GNAQ: variants seen among roughly 807,000 people sequenced by gnomAD.
GNAQ encodes G protein subunit alpha q.
A neutral mutation model predicts 43.9 loss-of-function variants in GNAQ; 8 were observed. That is an observed-to-expected ratio of 0.18 (90% CI 0.11 to 0.33). The LOEUF (loss-of-function observed/expected upper bound fraction) is 0.33, where lower values mean the gene tolerates loss of function less well. Among genes scored for constraint, GNAQ ranks in the 10% least tolerant of loss-of-function variants. The pLI, the probability that GNAQ is intolerant of heterozygous loss-of-function variation, is 1.00. For missense variants in GNAQ, 158 were observed against 450.8 expected, an observed-to-expected ratio of 0.35 and a Z score of 5.88; for synonymous variants, 155 against 170.7, an observed-to-expected ratio of 0.91 and a Z score of 0.71.
chr9:78,030,663 G>C (rs1824040782), intron 1 of GNAQ: 1 of 422,316 alleles, frequency 2.4e-6, no homozygotes, highest in African/African-American at 2.0e-5. Context: ...CACCCGCTGG[G>C]CCACACACAC....
At chr9:77,807,306 T>C (rs1826844512) in intron 3 of GNAQ, among the ~76,000 whole-genome samples, 1 of 152,192 alleles carries the variant, frequency 6.6e-6, no homozygotes, top group Non-Finnish European at 1.5e-5. Context: ...CTTATAATCA[T>C]GTGCATGTTC....
chr9:77,871,828 C>T (rs888709138), intron 2 of GNAQ, among the ~76,000 whole-genome samples: 30 of 152,098 alleles, frequency 2.0e-4, no homozygotes, highest in Non-Finnish European at 3.8e-4. Context: ...TATATGACAA[C>T]TTAATATTCT....
chr9:77,957,255 C>G (rs1414270733), intron 1 of GNAQ, among the ~76,000 whole-genome samples: 3 of 151,948 alleles, frequency 2.0e-5, no homozygotes, highest in African/African-American at 7.3e-5. Flanking sequence ...ACTCAGGAGG[C>G]TGAGACAGGA....
chr9:77,717,757 G>A lies in GNAQ; in HGVS notation c.*3566C>T, dbSNP rs193157362. The A allele has an allele frequency of 1.7e-3, 389 of 231,060 alleles. No individual in the cohort carries two copies. The highest frequency in any genetic ancestry group is 2.3e-3 in the African/African-American group (103 of 45,086). 14.3% of individuals were successfully genotyped at this position (231,060 alleles called of 1,614,324 possible). ...AAAAAAAAAAAAATACAAGTTTTAC[G>A]TGTTCTTCAGATTCCTTTTGTAGTT... On this transcript the variant is annotated 3_prime_UTR_variant, in exon 7 of 7. Transcript: ENST00000286548.
chr9:78,029,294 A>T (rs953691406), intron 1 of GNAQ, among the ~76,000 whole-genome samples: 3 of 148,206 alleles, frequency 2.0e-5, no homozygotes, highest in Non-Finnish European at 3.0e-5. Context: ...GCAATAAAAT[A>T]AAAAAAAAAC....
intron 5 of GNAQ, among the ~76,000 whole-genome samples, chr9:77,743,522 T>A (rs2118267293): frequency 6.6e-6 from 1 of 152,234 alleles, no homozygotes; most frequent in East Asian, 1.9e-4. Context: ...ATGAGGGAAA[T>A]GAGCACTGAA....
chr9:77,799,551 C>T (rs1587921679), intron 3 of GNAQ, among the ~76,000 whole-genome samples: 1 of 152,088 alleles, frequency 6.6e-6, no homozygotes, highest in Non-Finnish European at 1.5e-5. Flanking sequence ...AGCATTCTTA[C>T]CAGTGGTATT....
At chr9:77,885,115 T>G (rs953457189) in intron 2 of GNAQ, among the ~76,000 whole-genome samples, 1 of 152,186 alleles carries the variant, frequency 6.6e-6, no homozygotes, top group Non-Finnish European at 1.5e-5. Context: ...TTTAGAGATA[T>G]TTGTCCCATA....
intron 5 of GNAQ, among the ~76,000 whole-genome samples, chr9:77,733,864 T>C (rs1825533459): frequency 6.6e-6 from 1 of 152,182 alleles, no homozygotes. Flanking sequence ...AAAGGAAAGG[T>C]AGTTTCAAAC....
At chr9:77,779,680 C>CAAAAA (rs58014303) in intron 5 of GNAQ, among the ~76,000 whole-genome samples, 479 of 95,736 alleles carry the variant, frequency 5.0e-3, no homozygotes, top group Non-Finnish European at 5.9e-3. Context: ...AAAAACAAAA[C>CAAAAA]AAAAAAAAAA....
chr9:77,989,528 T>C (rs1823482954), intron 1 of GNAQ, among the ~76,000 whole-genome samples: 1 of 152,224 alleles, frequency 6.6e-6, no homozygotes, highest in South Asian at 2.1e-4. Flanking sequence ...GAAGTTTTCC[T>C]TGCTCCCAAG....
At chr9:78,000,798 T>C (rs773917447) in intron 1 of GNAQ, among the ~76,000 whole-genome samples, 2 of 152,208 alleles carry the variant, frequency 1.3e-5, no homozygotes, top group Non-Finnish European at 2.9e-5. Flanking sequence ...TAGAACTTAC[T>C]AAAATAACCT....
chr9:77,728,057 C>G (rs1017558592), intron 6 of GNAQ, among the ~76,000 whole-genome samples: 1 of 151,778 alleles, frequency 6.6e-6, no homozygotes, highest in African/African-American at 2.4e-5. Context: ...TGCAGTGGCG[C>G]GATCTTGGCT....
rs115455900 is a variant in GNAQ, at chr9:77,859,068, C to T, written c.322-43298G>A. Among the ~76,000 whole-genome samples, 804 of 152,274 alleles carry T rather than the reference C, an allele frequency of 5.3e-3. 9 individuals carry two copies. Among genetic ancestry groups the T allele is most frequent in the African/African-American group, 0.018 (767 of 41,566 alleles). ...ACACAGGAGCAGAGTCCTGCCTGTT[C>T]CTACCTAAAATGATCTTCCCATGTT... On this transcript the variant is annotated intron_variant, in intron 2 of 6. Transcript: ENST00000286548.
chr9:77,748,246 T>C (rs1249683593), intron 5 of GNAQ, among the ~76,000 whole-genome samples: 1 of 152,236 alleles, frequency 6.6e-6, no homozygotes, highest in Non-Finnish European at 1.5e-5. Flanking sequence ...CTACATCTCA[T>C]TTCTCTTTAG....
intron 5 of GNAQ, among the ~76,000 whole-genome samples, chr9:77,758,928 C>G (rs1305996421): frequency 6.6e-6 from 1 of 152,028 alleles, no homozygotes; most frequent in Non-Finnish European, 1.5e-5. Context: ...AACTTATTCT[C>G]AAGAGTCTGC....
intron 2 of GNAQ, among the ~76,000 whole-genome samples, chr9:77,885,985 C>A (rs1008179745): frequency 2.9e-5 from 2 of 68,180 alleles, no homozygotes; most frequent in Non-Finnish European, 6.2e-5. Context: ...AAGGCAGGAC[C>A]TTTTTTTTGA....
chr9:77,916,581 T>C lies in GNAQ; in HGVS notation c.321+5580A>G, dbSNP rs144851519. Among the ~76,000 whole-genome samples the C allele has an allele frequency of 1.6e-3, 245 of 152,270 alleles. 4 individuals carry two copies. Among genetic ancestry groups the C allele is most frequent in the Admixed American group, 0.012 (180 of 15,284 alleles). ...TGACAAGTTCTTTCTCAGAATTGCTTAGAGAGGACAAAAGGCACTGTAGCA... is the reference window on the plus strand; with the variant it reads ...TGACAAGTTCTTTCTCAGAATTGCTCAGAGAGGACAAAAGGCACTGTAGCA... On this transcript the variant is annotated intron_variant, in intron 2 of 6. Coordinates refer to ENST00000286548, the MANE Select transcript of GNAQ (RefSeq NM_002072.5).
chr9:77,841,901 T>A (rs1827497787), intron 2 of GNAQ, among the ~76,000 whole-genome samples: 1 of 152,198 alleles, frequency 6.6e-6, no homozygotes, highest in South Asian at 2.1e-4. Context: ...TGTCTTCAAG[T>A]TGGGAGTGCC....
Sources: allele counts gnomAD v4.1 joint callset (sites outside exome capture counted in the v4.1 genomes callset), GRCh38; gene constraint gnomAD v4.1.1; transcripts MANE v1.5; gene names NCBI Gene and HGNC (gene_info 2026-07-23, HGNC 2026-07-21).